Variants in MROH2A observed in about 807,000 individuals in gnomAD.
The protein encoded by MROH2A is maestro heat-like repeat-containing protein family member 2A.
A neutral mutation model predicts 200.4 loss-of-function variants in MROH2A; 174 were observed. The observed-to-expected ratio is 0.87, with a 90% confidence interval of 0.77 to 0.98. The LOEUF is 0.98. MROH2A is among the 50% of genes least tolerant of loss of function. The pLI is 0.00. For missense variants in MROH2A, 2,045 were observed against 2,139.6 expected (o/e 0.96, Z 0.87); for synonymous variants, 829 against 840.4 (o/e 0.99, Z 0.23).
intron 3 of MROH2A, 67 bp from the exon 4 acceptor site, chr2:233,789,430 G>A: frequency 7.7e-7 from 1 of 1,302,918 alleles, no homozygotes; most frequent in Non-Finnish European, 9.8e-7. Context: ...AGGACAGTGG[G>A]AGAGAGAGGT....
intron 40 of MROH2A, 66 bp from the exon 41 acceptor site, chr2:233,832,513 C>T: frequency 5.5e-6 from 7 of 1,275,552 alleles, no homozygotes; most frequent in Non-Finnish European, 7.8e-6. Flanking sequence ...AGTAAGTAAA[C>T]CACAGGACGA....
intron 38 of MROH2A, among the ~76,000 whole-genome samples, chr2:233,831,154 GGC>G (rs1158562964): frequency 6.6e-6 from 1 of 152,226 alleles, no homozygotes; most frequent in Non-Finnish European, 1.5e-5. Context: ...GGCTGCTGAG[GGC>G]ACGAAGGTGC....
chr2:233,792,912 G>T lies in MROH2A; in HGVS notation c.670+18G>T. 6.5e-7 allele frequency: 1 copy of T among 1,550,286 alleles called. No individual in the cohort carries two copies. Among genetic ancestry groups the T allele is most frequent in the Non-Finnish European group, 8.7e-7 (1 of 1,146,926 alleles). ...CTGCAGTGGTGAGTGTCCCACTTGA[G>T]CCTGCAGGTCTGGCTCGATCAGGGC... On this transcript the variant is annotated intron_variant, in intron 6 of 41. Coordinates refer to ENST00000389758, the MANE Select transcript of MROH2A (RefSeq NM_001394639.1).
Position 233,795,704 on chromosome 2 carries a change from C to G in MROH2A, c.1018C>G (p.Gln340Glu). 6.4e-7 allele frequency: 1 copy of G among 1,551,150 alleles called. No individual in the cohort carries two copies. Among genetic ancestry groups the G allele is most frequent in the Non-Finnish European group, 8.7e-7 (1 of 1,147,084 alleles). Residue 340 changes from glutamine to glutamate, a missense_variant, in exon 9 of 42, where the codon CAA (glutamine) becomes GAA (glutamate). By Grantham distance (29) the Gln-to-Glu change is conservative (BLOSUM62 2). Transcript: ENST00000389758. ...AGTCACCACCAACACCCCTGTCCCC[C>G]AAATGCAGCTACACACCATTTTCAC... Reference protein sequence around the residue: ...LSVTTNTPVPQMQLHTIFTEL... With the variant: ...LSVTTNTPVPEMQLHTIFTEL...
intron 35 of MROH2A, among the ~76,000 whole-genome samples, chr2:233,824,903 A>G (rs1445219955): frequency 2.6e-5 from 4 of 152,210 alleles, no homozygotes; most frequent in African/African-American, 4.8e-5. Context: ...GAATCTATAC[A>G]TTACTTTGGG....
At chr2:233,814,896 G>C (rs955264848) in intron 26 of MROH2A, among the ~76,000 whole-genome samples, 6 of 152,078 alleles carry the variant, frequency 3.9e-5, no homozygotes, top group African/African-American at 1.4e-4. Context: ...TTTCTTTCTC[G>C]GTTTTCTTCT....
At chr2:233,793,355 G>A (rs566247300) in intron 6 of MROH2A, among the ~76,000 whole-genome samples, 1 of 152,290 alleles carries the variant, frequency 6.6e-6, no homozygotes, top group South Asian at 2.1e-4. Flanking sequence ...GAGAAAAAGA[G>A]GGCCACATGT....
At chr2:233,813,582 T>C (rs1245273862) in intron 24 of MROH2A, 88 bp from the exon 25 acceptor site, 1 of 747,776 alleles carries the variant, frequency 1.3e-6, no homozygotes, top group African/African-American at 1.7e-5. Context: ...TCTTCTAGGA[T>C]GTGTTTCCGT....
At position 233,811,882 on chromosome 2, in the gene MROH2A, G is replaced by C. The variant is rs760997827; in HGVS notation, c.2574G>C (p.Ala858=). The C allele has an allele frequency of 3.9e-6, 6 of 1,549,816 alleles. No individual in the cohort carries two copies. In the East Asian group the frequency reaches 1.5e-4, roughly 38 times the overall value. ...QKTTLTSIIV[A]VIKAEPTDNL... ...CACCCCCTGCTTGTGTTGGACAGGC[G>C]GTCATCAAGGCAGAACCGACTGACA... Residue 858 remains alanine, a splice_region_variant and synonymous_variant, in exon 24 of 42, where the codon GCG becomes GCC. Transcript: ENST00000389758.
chr2:233,789,578 G>A lies in MROH2A; in HGVS notation c.358G>A (p.Val120Met), dbSNP rs778261616. ...QQEGELEEQC[V>M]QRLVAIASKE... is the part of the protein sequence containing the mutation. ...GGAGGGGGAGCTGGAGGAGCAGTGCGTGCAGAGGCTGGTGGCCATTGCCTC... is the reference window on the plus strand; with the variant it reads ...GGAGGGGGAGCTGGAGGAGCAGTGCATGCAGAGGCTGGTGGCCATTGCCTC... Residue 120 changes from valine (V) to methionine (M), a missense_variant, in exon 4 of 42, where the codon GTG (valine) becomes ATG (methionine). Val to Met is a conservative substitution (Grantham distance 21, BLOSUM62 1). This residue lies in a region of MROH2A where 831 missense variants were observed against 800.0 expected (regional missense o/e 1.04). Transcript: ENST00000389758. 68 of 1,499,096 alleles carry A rather than the reference G, an allele frequency of 4.5e-5. No individual in the cohort carries two copies. Among genetic ancestry groups the A allele is most frequent in the Non-Finnish European group, 5.3e-5 (59 of 1,122,754 alleles). 92.9% of individuals were successfully genotyped at this position (1,499,096 alleles called of 1,614,324 possible).
intron 38 of MROH2A, 38 bp from the exon 39 acceptor site, chr2:233,831,371 C>T (rs964512019): frequency 1.3e-6 from 2 of 1,521,556 alleles, no homozygotes; most frequent in Non-Finnish European, 1.8e-6. Context: ...ACCACGTGGC[C>T]TGGCTGATGG....
intron 33 of MROH2A, 161 bp downstream of exon 33, chr2:233,822,717 G>T: frequency 8.8e-7 from 1 of 1,133,048 alleles, no homozygotes; most frequent in Non-Finnish European, 1.3e-6. Context: ...CAAGCACGGT[G>T]TGGTTTTCAG....
chr2:233,828,535 G>A lies in MROH2A; in HGVS notation c.4114-95G>A, dbSNP rs1354406462. The A allele has an allele frequency of 4.1e-6, 6 of 1,446,772 alleles. No homozygotes were observed. The African/African-American group carries it at 7.1e-5, about 17-fold the overall frequency. 89.6% of individuals were successfully genotyped at this position (1,446,772 alleles called of 1,614,324 possible). A position where few individuals can be genotyped will look rare whatever the true frequency, so the allele number is the denominator to read the frequency against. On this transcript the variant is annotated intron_variant, in intron 35 of 41. Transcript: ENST00000389758. This position sits in a 1 kb window ranked among gnomAD's most constrained non-coding sequence, Gnocchi z 4.6. The stretch of plus-strand genomic sequence containing the variant: ...GAGCCCCTCCCCTCCTGTCCACAGA[G>A]CCACCAATCTGCATTACCTCTCCTC...
chr2:233,792,489 T>TTA (rs1701840042), intron 5 of MROH2A, among the ~76,000 whole-genome samples: 1 of 152,072 alleles, frequency 6.6e-6, no homozygotes, highest in Non-Finnish European at 1.5e-5. Flanking sequence ...ATTTTTTGTA[T>TTA]TTTTAGTAGA....
In MROH2A at chr2:233,779,791, A is replaced by G; in HGVS notation, c.215A>G (p.Lys72Arg). Residue 72 changes from lysine to arginine, a missense_variant, in exon 3 of 42, where the codon AAG (lysine) becomes AGG (arginine). Physicochemically the swap from Lys to Arg is conservative, Grantham distance 26 (BLOSUM62 2). This residue lies in a region of MROH2A where 831 missense variants were observed against 800.0 expected (regional missense o/e 1.04). Transcript: ENST00000389758. ...KTLASVIIME[K>R]ATTEPSVVIN... The stretch of plus-strand genomic sequence containing the variant: ...CTGGCCTCGGTGATAATCATGGAGA[A>G]GGCCACCACTGAGCCTTCTGTAGTG... The G allele has an allele frequency of 1.9e-6, 3 of 1,550,778 alleles. No homozygotes were observed. The highest frequency in any genetic ancestry group is 2.4e-5 in the South Asian group (2 of 84,066).
At chr2:233,819,184 A>G in intron 29 of MROH2A, 133 bp from the exon 30 acceptor site, 1 of 925,148 alleles carries the variant, frequency 1.1e-6, no homozygotes, top group Non-Finnish European at 1.6e-6. Flanking sequence ...TCAGCCCAGG[A>G]GGAGGCCATG....
In MROH2A at chr2:233,802,460, C is replaced by T. The variant is rs1221011956; in HGVS notation, c.1708+145C>T. 8 of 892,010 alleles carry T rather than the reference C, an allele frequency of 9.0e-6. No individual in the cohort carries two copies. In the East Asian group the frequency reaches 2.1e-4, roughly 24 times the overall value. The allele number at this position is 892,010 out of a possible 1,614,324, so 55.3% of individuals were successfully genotyped here. On this transcript the variant is annotated intron_variant, in intron 15 of 41. Coordinates refer to ENST00000389758, the MANE Select transcript of MROH2A (RefSeq NM_001394639.1). ...AAGTCCAAATTAATACTATTAATGC[C>T]TACCTGGATATTAATGCCTACCTGA...
intron 34 of MROH2A, 124 bp from the exon 35 acceptor site, chr2:233,823,432 G>C: frequency 8.3e-7 from 1 of 1,203,986 alleles, no homozygotes; most frequent in East Asian, 2.6e-5. Flanking sequence ...GAGATGTTAC[G>C]ACATCTTTCC....
At chr2:233,812,084 T>G (rs17862895) in intron 24 of MROH2A, 125 bp downstream of exon 24, 32,216 of 694,674 alleles carry the variant, frequency 0.046, 1,681 homozygotes, top group African/African-American at 0.19. Context: ...GGGGTCTCAC[T>G]TGGAGGCTCC....
Sources: gnomAD v4.1 joint callset for allele counts (sites outside exome capture counted in the v4.1 genomes callset) on GRCh38, gnomAD v4.1.1 for gene constraint, gnomAD v4.1.1 regional missense constraint, Gnocchi (gnomAD v3.1) non-coding constraint, MANE v1.5 for transcripts, NCBI Gene and HGNC (gene_info 2026-07-23, HGNC 2026-07-21) for gene names.